Variants in LARS2 observed in about 807,000 individuals in gnomAD.
The protein encoded by LARS2 is leucine--tRNA ligase, mitochondrial.
In LARS2, 81 loss-of-function variants were observed where a neutral mutation model predicts 116.6. The observed-to-expected ratio is 0.69, with a 90% confidence interval of 0.58 to 0.84. The LOEUF is 0.84. LARS2 is among the 40% of genes least tolerant of loss of function. The pLI is 0.00. For missense variants in LARS2, 968 were observed against 1,114.5 expected (o/e 0.87, Z 1.87); for synonymous variants, 396 against 407.2 (o/e 0.97, Z 0.33).
At chr3:45,412,706 G>T (rs1013438035) in intron 4 of LARS2, among the ~76,000 whole-genome samples, 8 of 152,300 alleles carry the variant, frequency 5.3e-5, no homozygotes, top group African/African-American at 9.6e-5. Context: ...CCAAAACTGG[G>T]AAATGCAGCA....
chr3:45,542,449 C>G (rs1049639864), intron 21 of LARS2, among the ~76,000 whole-genome samples: 1 of 151,960 alleles, frequency 6.6e-6, no homozygotes, highest in African/African-American at 2.4e-5. Flanking sequence ...TCGTTTAAAC[C>G]CTTTCTAAGA....
chr3:45,476,712 C>T (rs1575278724), intron 10 of LARS2, 85 bp downstream of exon 10: 1 of 1,381,032 alleles, frequency 7.2e-7, no homozygotes, highest in Non-Finnish European at 1.0e-6. Flanking sequence ...GTCCTTTCCT[C>T]TATGTCATCT....
At chr3:45,525,074 A>G (rs1320008910) in intron 20 of LARS2, among the ~76,000 whole-genome samples, 4 of 152,200 alleles carry the variant, frequency 2.6e-5, no homozygotes, top group Non-Finnish European at 5.9e-5. Flanking sequence ...TGAGGGACTC[A>G]TTGGGAATTG....
chr3:45,413,764 A>G (rs940525461), intron 4 of LARS2, among the ~76,000 whole-genome samples: 2 of 152,220 alleles, frequency 1.3e-5, no homozygotes, highest in African/African-American at 4.8e-5. Context: ...GACTCCAACC[A>G]CTGGAAGGGG....
chr3:45,389,376 T>A (rs891912536), intron 1 of LARS2, among the ~76,000 whole-genome samples: 1 of 152,162 alleles, frequency 6.6e-6, no homozygotes, highest in Non-Finnish European at 1.5e-5. Flanking sequence ...GGCATCACTG[T>A]GGGCTCTGAC....
intron 10 of LARS2, among the ~76,000 whole-genome samples, chr3:45,485,435 C>T (rs1699788471): frequency 6.6e-6 from 1 of 152,230 alleles, no homozygotes; most frequent in African/African-American, 2.4e-5. Context: ...AATGTCATTA[C>T]TCCACATCTG....
Position 45,394,551 on chromosome 3 carries a change from T to C in LARS2, c.98T>C (p.Ile33Thr), listed in dbSNP as rs779796862. 6.8e-6 allele frequency: 11 copies of C among 1,614,128 alleles called. No homozygotes were observed. Among genetic ancestry groups the C allele is most frequent in the Non-Finnish European group, 9.3e-6 (11 of 1,179,988 alleles). ...PDVIKWERRV[I>T]PGCTRSIYSA... ...GTCATCAAGTGGGAAAGGAGAGTAA[T>C]TCCCGGATGTACCAGAAGCATCTAC... The change falls in exon 3 of 22, where the codon ATT (isoleucine) becomes ACT (threonine). Residue 33 changes from isoleucine to threonine, a missense_variant. By Grantham distance (89) the Ile-to-Thr change is moderately conservative. Transcript: ENST00000645846.
Position 45,548,569 on chromosome 3 carries a change from G to C in LARS2, c.*1039G>C, listed in dbSNP as rs1383807652. On this transcript the variant is annotated 3_prime_UTR_variant, in exon 22 of 22. Coordinates refer to ENST00000645846, the MANE Select transcript of LARS2 (RefSeq NM_015340.4). ...CAGCGGTCTGGCTGTTGGGAAGATG[G>C]CCAGGAATGGACTCATACCATTGGC... 6.6e-6 allele frequency: 1 copy of C among 152,240 alleles called. No homozygotes were observed. Among genetic ancestry groups the C allele is most frequent in the Admixed American group, 6.5e-5 (1 of 15,282 alleles). 9.4% of individuals were successfully genotyped at this position (152,240 alleles called of 1,614,324 possible).
At chr3:45,520,446 A>C (rs1700435256) in intron 19 of LARS2, 150 bp downstream of exon 19, 1 of 598,414 alleles carries the variant, frequency 1.7e-6, no homozygotes, top group Non-Finnish European at 3.0e-6. Flanking sequence ...ATTTTTCCAT[A>C]GTCACAACCT....
chr3:45,541,812 G>C lies in LARS2; in HGVS notation c.2405-17G>C, dbSNP rs111814384. 1.2e-6 allele frequency: 2 copies of C among 1,613,844 alleles called. No homozygotes were observed. The highest frequency in any genetic ancestry group is 2.7e-5 in the African/African-American group (2 of 75,062). On this transcript the variant is annotated splice_polypyrimidine_tract_variant and intron_variant, in intron 20 of 21. Transcript: ENST00000645846. ...GTTCTTAGAGTGACCCCACGCTTCT[G>C]TGCCTCGGCATTGCAGGCCTGGCGC...
chr3:45,396,194 T>C (rs188426241), intron 3 of LARS2, among the ~76,000 whole-genome samples: 1 of 152,348 alleles, frequency 6.6e-6, no homozygotes, highest in Non-Finnish European at 1.5e-5. Context: ...GGAGATAGCA[T>C]AAGGGGCATT....
intron 6 of LARS2, among the ~76,000 whole-genome samples, chr3:45,430,840 C>T (rs1575249688): frequency 3.3e-5 from 5 of 152,072 alleles, no homozygotes; most frequent in African/African-American, 4.8e-5. Flanking sequence ...CCATCTCGGC[C>T]TCCCAAAGTG....
At chr3:45,441,316 C>T (rs1054574225) in intron 6 of LARS2, among the ~76,000 whole-genome samples, 1 of 152,208 alleles carries the variant, frequency 6.6e-6, no homozygotes, top group African/African-American at 2.4e-5. Context: ...TGAGCCATTG[C>T]ACCCGGCCCA....
Position 45,394,422 on chromosome 3 carries a change from CT to C in LARS2, c.-21-10del, listed in dbSNP as rs1559453723. ...GGCAGCTCATAGTGTGCTTTCTGCC[CT>C]CTTTTTCAGGGCCTTCTCACCTTCT... On this transcript the variant is annotated splice_polypyrimidine_tract_variant and intron_variant, in intron 2 of 21. Coordinates refer to ENST00000645846, the MANE Select transcript of LARS2 (RefSeq NM_015340.4). 1 of 1,547,186 alleles carries C rather than the reference CT, an allele frequency of 6.5e-7. No individual in the cohort carries two copies.
chr3:45,458,184 A>T (rs1006333937), intron 7 of LARS2, among the ~76,000 whole-genome samples: 3 of 152,060 alleles, frequency 2.0e-5, no homozygotes, highest in Non-Finnish European at 2.9e-5. Context: ...CTATAAGTTC[A>T]TCCTTTCATA....
chr3:45,411,241 C>T (rs1176462857), intron 4 of LARS2, among the ~76,000 whole-genome samples: 2 of 152,236 alleles, frequency 1.3e-5, no homozygotes, highest in East Asian at 1.9e-4. Flanking sequence ...CTGGCCCTGC[C>T]GGCATTTATT....
chr3:45,419,594 A>G lies in LARS2; in HGVS notation c.456-75A>G, dbSNP rs1287353002. 25 of 1,021,604 alleles carry G rather than the reference A, an allele frequency of 2.4e-5. No individual in the cohort carries two copies. In the East Asian group the frequency reaches 5.5e-4, roughly 22 times the overall value. The allele number at this position is 1,021,604 out of a possible 1,614,324, so 63.3% of individuals were successfully genotyped here. On this transcript the variant is annotated intron_variant, in intron 5 of 21. Coordinates refer to ENST00000645846, the MANE Select transcript of LARS2 (RefSeq NM_015340.4). Reference sequence around the variant, plus strand: ...ATTTAGACTTTTTCAGTTTCCCTTTACATTCTCAAAGTGTAGTTGTGTATG... The same window carrying G: ...ATTTAGACTTTTTCAGTTTCCCTTTGCATTCTCAAAGTGTAGTTGTGTATG...
intron 20 of LARS2, among the ~76,000 whole-genome samples, chr3:45,531,525 A>G (rs995328108): frequency 6.6e-6 from 1 of 151,288 alleles, no homozygotes; most frequent in South Asian, 2.1e-4. Flanking sequence ...CTGTAAGCAC[A>G]TGCCCCTACG....
At chr3:45,464,592 G>A (rs1699391417) in intron 8 of LARS2, among the ~76,000 whole-genome samples, 1 of 152,142 alleles carries the variant, frequency 6.6e-6, no homozygotes, top group South Asian at 2.1e-4. Flanking sequence ...GCTTTGCAAA[G>A]GAATTGTTAG....
Sources: gnomAD v4.1 joint callset for allele counts (sites outside exome capture counted in the v4.1 genomes callset) on GRCh38, gnomAD v4.1.1 for gene constraint, MANE v1.5 for transcripts, NCBI Gene and HGNC (gene_info 2026-07-23, HGNC 2026-07-21) for gene names.